NXN: variants seen among roughly 807,000 people sequenced by gnomAD.
NXN encodes nucleoredoxin 1.
NXN carries 16 observed loss-of-function variants against 48.6 expected under a neutral mutation model. That is an observed-to-expected ratio of 0.33 (90% CI 0.22 to 0.50). The LOEUF is 0.50. Among genes scored for constraint, NXN ranks in the 20% least tolerant of loss-of-function variants. The pLI is 0.98. For synonymous variants in NXN, 281 were observed against 269.6 expected (o/e 1.04, Z -0.41); for missense variants, 492 against 605.5 (o/e 0.81, Z 1.97).
chr17:856,170 C>T (rs2067983884), intron 1 of NXN, among the ~76,000 whole-genome samples: 1 of 150,958 alleles, frequency 6.6e-6, no homozygotes, highest in Non-Finnish European at 1.5e-5. Context: ...TCCAGCCTGG[C>T]AACAAAGTGA....
intron 1 of NXN, among the ~76,000 whole-genome samples, chr17:861,179 G>A (rs900041817): frequency 2.0e-5 from 3 of 152,098 alleles, no homozygotes; most frequent in East Asian, 1.9e-4. Flanking sequence ...TGTCGCCTGC[G>A]CTGGAATGCA....
chr17:934,497 G>C, intron 1 of NXN, among the ~76,000 whole-genome samples: 1 of 150,686 alleles, frequency 6.6e-6, no homozygotes. Flanking sequence ...CTGGAAGTAA[G>C]AGAAGTATAG....
chr17:911,729 G>T (rs1366947412), intron 1 of NXN, among the ~76,000 whole-genome samples: 7 of 150,538 alleles, frequency 4.6e-5, no homozygotes, highest in Non-Finnish European at 1.0e-4. Context: ...GCCTCCCAAA[G>T]TGCTGGGATT....
Position 812,767 on chromosome 17 carries a change from A to AGTGTAGGTGTGTGCATGT in NXN, c.820+6654_820+6671dup, listed in dbSNP as rs979981503. On this transcript the variant is annotated intron_variant, in intron 5 of 7. Transcript: ENST00000336868. ...GTGAGTGAGAGTGTGCATATGTGTG[A>AGTGTAGGTGTGTGCATGT]GTGTAGGTGTGTGCATGTGTGTAGG... 1.8e-4 allele frequency among the ~76,000 whole-genome samples: 24 copies of AGTGTAGGTGTGTGCATGT among 134,466 alleles called. No homozygotes were observed. The South Asian group carries it at 3.1e-3, about 17-fold the overall frequency. The allele number at this position is 134,466 out of a possible 152,430, so 88.2% of individuals were successfully genotyped here.
chr17:963,837 G>A (rs190680863), intron 1 of NXN, among the ~76,000 whole-genome samples: 3 of 152,258 alleles, frequency 2.0e-5, no homozygotes, highest in Admixed American at 1.3e-4. Context: ...CAGCACTTTG[G>A]GAGGCCGAGG....
chr17:826,884 T>G (rs1311307152), intron 1 of NXN, among the ~76,000 whole-genome samples: 2 of 152,100 alleles, frequency 1.3e-5, no homozygotes, highest in Non-Finnish European at 2.9e-5. Flanking sequence ...CTAAGAGGAA[T>G]AAAGCTGACA....
intron 1 of NXN, among the ~76,000 whole-genome samples, chr17:831,852 T>C (rs1219052143): frequency 6.7e-6 from 1 of 148,518 alleles, no homozygotes; most frequent in Non-Finnish European, 1.5e-5. Flanking sequence ...TACTGATTAT[T>C]CTTTGAACCT....
chr17:824,928 G>A (rs938676969), intron 2 of NXN, among the ~76,000 whole-genome samples: 43 of 151,958 alleles, frequency 2.8e-4, no homozygotes, highest in African/African-American at 9.2e-4. Context: ...TCTGGAGGTC[G>A]GGCTCGGGAT....
chr17:952,558 TG>T (rs757508033), intron 1 of NXN, among the ~76,000 whole-genome samples: 1 of 16,442 alleles, frequency 6.1e-5, no homozygotes, highest in African/African-American at 2.0e-4. Context: ...GGTCACACTG[TG>T]GGGGGGCTGG....
intron 5 of NXN, among the ~76,000 whole-genome samples, chr17:816,854 A>G (rs1229940277): frequency 6.6e-6 from 1 of 152,144 alleles, no homozygotes; most frequent in African/African-American, 2.4e-5. Context: ...ATTCAGGACC[A>G]CTGGCGTAGG....
chr17:957,360 G>A (rs545231411), intron 1 of NXN, among the ~76,000 whole-genome samples: 5 of 151,534 alleles, frequency 3.3e-5, no homozygotes, highest in Non-Finnish European at 5.9e-5. Flanking sequence ...TGGGCCGGGC[G>A]CAGGGGCTCA....
intron 1 of NXN, among the ~76,000 whole-genome samples, chr17:912,231 C>A (rs978552166): frequency 1.6e-4 from 25 of 152,146 alleles, no homozygotes; most frequent in African/African-American, 4.6e-4. Context: ...AGCCACCACA[C>A]CCGGCCAAAT....
chr17:928,722 G>C (rs577645657), intron 1 of NXN, among the ~76,000 whole-genome samples: 31 of 152,262 alleles, frequency 2.0e-4, no homozygotes, highest in African/African-American at 7.2e-4. Context: ...TGTAATCCCA[G>C]CTACTCGGGA....
At position 800,962 on chromosome 17, in the gene NXN, G is replaced by A. The variant is rs747339401; in HGVS notation, c.1295C>T (p.Pro432Leu). ...VNDFLAEKLK[P>L]EPI ...GCCGGAGCCACGCTAGATGGGCTCC[G>A]GTTTGAGCTTCTCTGCTAGGAAGTC... The change falls in exon 8 of 8, where the codon CCG (proline) becomes CTG (leucine). Residue 432 changes from proline to leucine, a missense_variant. Pro to Leu is a moderately conservative substitution (Grantham distance 98, BLOSUM62 -3). Around this residue, in one of 3 missense-constraint regions of NXN, gnomAD observed 303 missense variants for 388.3 expected, o/e 0.78. Transcript: ENST00000336868. The A allele has an allele frequency of 6.7e-7, 1 of 1,493,256 alleles. No individual in the cohort carries two copies. Among genetic ancestry groups the A allele is most frequent in the Non-Finnish European group, 9.0e-7 (1 of 1,113,944 alleles). The allele number at this position is 1,493,256 out of a possible 1,614,324, so 92.5% of individuals were successfully genotyped here. A position where few individuals can be genotyped will look rare whatever the true frequency, so the allele number is the denominator to read the frequency against.
intron 5 of NXN, among the ~76,000 whole-genome samples, chr17:815,046 G>A (rs879504566): frequency 6.6e-6 from 1 of 152,228 alleles, no homozygotes; most frequent in Non-Finnish European, 1.5e-5. Context: ...GATTACAGGC[G>A]TGAGCCACCA....
chr17:886,401 T>C lies in NXN; in HGVS notation c.361-60323A>G, dbSNP rs188665315. ...AATATTTATTCCAAGAGACGTAAGA[T>C]AGATTCTGCTGGACACCTGCCACTT... On this transcript the variant is annotated intron_variant, in intron 1 of 7. Coordinates refer to ENST00000336868, the MANE Select transcript of NXN (RefSeq NM_022463.5). Among the ~76,000 whole-genome samples, 17 of 152,294 alleles carry C rather than the reference T, an allele frequency of 1.1e-4. No homozygotes were observed. In the East Asian group the frequency reaches 3.3e-3, roughly 29 times the overall value.
intron 1 of NXN, among the ~76,000 whole-genome samples, chr17:852,677 C>G (rs1407230556): frequency 6.6e-6 from 1 of 152,176 alleles, no homozygotes; most frequent in African/African-American, 2.4e-5. Flanking sequence ...CGTCTGCTCT[C>G]TGAGTCAGCC....
chr17:893,620 T>C (rs141090099), intron 1 of NXN, among the ~76,000 whole-genome samples: 254 of 52,038 alleles, frequency 4.9e-3, no homozygotes, highest in Middle Eastern at 0.036. Context: ...AGCATCTCAA[T>C]GCCCTGGAAG....
chr17:925,941 A>G (rs1471910376), intron 1 of NXN, among the ~76,000 whole-genome samples: 1 of 152,234 alleles, frequency 6.6e-6, no homozygotes, highest in Non-Finnish European at 1.5e-5. Flanking sequence ...ACTTCTTTAG[A>G]TAATCTTTGC....
Sources: gnomAD v4.1 joint callset for allele counts (sites outside exome capture counted in the v4.1 genomes callset) on GRCh38, gnomAD v4.1.1 for gene constraint, gnomAD v4.1.1 regional missense constraint, MANE v1.5 for transcripts, NCBI Gene and HGNC (gene_info 2026-07-23, HGNC 2026-07-21) for gene names.